Variants in PAPPA2 observed in about 807,000 individuals in gnomAD.
PAPPA2 encodes pappalysin 2, also known as pappalysin-2.
A neutral mutation model predicts 176.4 loss-of-function variants in PAPPA2; 86 were observed. The observed-to-expected ratio is 0.49, with a 90% CI of 0.41 to 0.58. The LOEUF (loss-of-function observed/expected upper bound fraction) is 0.58, where lower values mean the gene tolerates loss of function less well. PAPPA2 is among the 20% of genes least tolerant of loss of function. The pLI is 0.00. For synonymous variants in PAPPA2, 809 were observed against 852.2 expected (o/e 0.95, Z 0.88); for missense variants, 2,073 against 2,256.9 (o/e 0.92, Z 1.65).
intron 3 of PAPPA2, among the ~76,000 whole-genome samples, chr1:176,640,334 C>T (rs1656997428): frequency 9.3e-6 from 1 of 107,804 alleles, no homozygotes. Context: ...CAATGCTATC[C>T]CTCCCCCCTC....
chr1:176,803,473 G>A (rs529572094), intron 21 of PAPPA2, among the ~76,000 whole-genome samples: 14 of 152,194 alleles, frequency 9.2e-5, no homozygotes, highest in African/African-American at 1.4e-4. Flanking sequence ...AAGGGAAATC[G>A]GTCATACCAA....
At chr1:176,685,268 T>C (rs546704284) in intron 4 of PAPPA2, among the ~76,000 whole-genome samples, 1 of 152,330 alleles carries the variant, frequency 6.6e-6, no homozygotes, top group South Asian at 2.1e-4. Flanking sequence ...ACTTTAATCT[T>C]CATGACAATC....
chr1:176,695,635 A>G (rs1660339197), intron 6 of PAPPA2, 103 bp from the exon 7 acceptor site: 14 of 1,366,632 alleles, frequency 1.0e-5, no homozygotes, highest in African/African-American at 1.4e-5. Flanking sequence ...CTTACTAACC[A>G]TCAACCCCTG....
intron 21 of PAPPA2, among the ~76,000 whole-genome samples, chr1:176,813,103 C>T (rs1255785239): frequency 6.6e-6 from 1 of 152,114 alleles, no homozygotes; most frequent in East Asian, 1.9e-4. Context: ...CATCTGTGTC[C>T]CTGCAAAGGA....
At chr1:176,645,217 C>T (rs1657330095) in intron 3 of PAPPA2, among the ~76,000 whole-genome samples, 1 of 151,624 alleles carries the variant, frequency 6.6e-6, no homozygotes, top group Non-Finnish European at 1.5e-5. Flanking sequence ...CATTTGTACC[C>T]ATTAATCAAC....
chr1:176,500,884 T>G (rs920913077), intron 1 of PAPPA2, among the ~76,000 whole-genome samples: 1 of 152,014 alleles, frequency 6.6e-6, no homozygotes, highest in African/African-American at 2.4e-5. Context: ...TTGACTAATA[T>G]GTGCTTTACT....
chr1:176,726,162 C>G (rs1165448373), intron 12 of PAPPA2, among the ~76,000 whole-genome samples: 1 of 152,178 alleles, frequency 6.6e-6, no homozygotes, highest in Non-Finnish European at 1.5e-5. Flanking sequence ...CATTATGTCT[C>G]CCCAAGAAAT....
intron 10 of PAPPA2, among the ~76,000 whole-genome samples, chr1:176,706,758 A>G (rs1296327113): frequency 2.0e-5 from 3 of 152,208 alleles, no homozygotes; most frequent in African/African-American, 7.2e-5. Context: ...ATTAGGTTAT[A>G]CTGCTTCCTA....
chr1:176,631,659 C>A (rs1656346018), intron 3 of PAPPA2, among the ~76,000 whole-genome samples: 1 of 152,054 alleles, frequency 6.6e-6, no homozygotes, highest in Non-Finnish European at 1.5e-5. Context: ...AAATCATTGG[C>A]AAACTTCATC....
chr1:176,484,364 C>A (rs1652553967), intron 1 of PAPPA2, among the ~76,000 whole-genome samples: 1 of 152,132 alleles, frequency 6.6e-6, no homozygotes, highest in Non-Finnish European at 1.5e-5. Flanking sequence ...ATTCTCTGAG[C>A]TTCCTGGATC....
At chr1:176,572,102 G>A (rs1361655530) in intron 2 of PAPPA2, among the ~76,000 whole-genome samples, 1 of 152,156 alleles carries the variant, frequency 6.6e-6, no homozygotes, top group Non-Finnish European at 1.5e-5. Flanking sequence ...CATTACACAG[G>A]GGCAGACTGA....
chr1:176,835,724 G>A (rs1379222810), intron 21 of PAPPA2, among the ~76,000 whole-genome samples: 2 of 152,128 alleles, frequency 1.3e-5, no homozygotes, highest in Non-Finnish European at 2.9e-5. Context: ...CTCCATGTTT[G>A]TCAGGTTGGT....
chr1:176,544,597 A>G (rs1346563056), intron 1 of PAPPA2, among the ~76,000 whole-genome samples: 1 of 152,092 alleles, frequency 6.6e-6, no homozygotes, highest in African/African-American at 2.4e-5. Context: ...GCAATTCTTC[A>G]ATTCTCTGTG....
intron 2 of PAPPA2, among the ~76,000 whole-genome samples, chr1:176,564,957 A>G (rs1651879459): frequency 6.6e-6 from 1 of 151,972 alleles, no homozygotes; most frequent in Non-Finnish European, 1.5e-5. Flanking sequence ...CAAATCCACC[A>G]TAGCCATAGC....
chr1:176,522,010 A>G (rs1434946120), intron 1 of PAPPA2, among the ~76,000 whole-genome samples: 1 of 152,052 alleles, frequency 6.6e-6, no homozygotes, highest in Non-Finnish European at 1.5e-5. Context: ...ACTCCCCAAC[A>G]TTACTATGAA....
At chr1:176,531,435 A>G (rs1649801643) in intron 1 of PAPPA2, among the ~76,000 whole-genome samples, 1 of 152,180 alleles carries the variant, frequency 6.6e-6, no homozygotes, top group Non-Finnish European at 1.5e-5. Context: ...ATAATCCTGG[A>G]ATTATATTCT....
intron 2 of PAPPA2, among the ~76,000 whole-genome samples, chr1:176,567,009 A>G (rs1652022550): frequency 6.6e-6 from 1 of 152,208 alleles, no homozygotes; most frequent in Non-Finnish European, 1.5e-5. Flanking sequence ...CATGGAATTA[A>G]CATTATTCTG....
intron 17 of PAPPA2, among the ~76,000 whole-genome samples, chr1:176,772,935 T>A (rs1338509644): frequency 6.6e-6 from 1 of 151,970 alleles, no homozygotes; most frequent in African/African-American, 2.4e-5. Flanking sequence ...GAAGAATAAA[T>A]GACCAGGGGG....
intron 1 of PAPPA2, among the ~76,000 whole-genome samples, chr1:176,523,785 G>A (rs974193061): frequency 1.3e-5 from 2 of 152,190 alleles, no homozygotes; most frequent in African/African-American, 4.8e-5. Flanking sequence ...CAAAGTTGAT[G>A]CCCCTGTGGA....
Sources: gnomAD v4.1 joint callset for allele counts (sites outside exome capture counted in the v4.1 genomes callset) on GRCh38, gnomAD v4.1.1 for gene constraint, MANE v1.5 for transcripts, NCBI Gene and HGNC (gene_info 2026-07-23, HGNC 2026-07-21) for gene names.